STYXL1: variants seen among roughly 807,000 people sequenced by gnomAD.
STYXL1 encodes serine/threonine/tyrosine interacting like 1, also known as serine/threonine/tyrosine-interacting-like protein 1.
Under a neutral mutation model 36.4 loss-of-function variants are expected in STYXL1, and 32 were observed. The observed-to-expected ratio is 0.88, with a 90% CI of 0.66 to 1.18. STYXL1 has a LOEUF of 1.18. Ranked by LOEUF, STYXL1 falls within the 50% of genes most tolerant of loss-of-function variation. The pLI is 0.00. For missense variants in STYXL1, 354 were observed against 394.1 expected (o/e 0.90, Z 0.86); for synonymous variants, 133 against 144.1 (o/e 0.92, Z 0.55).
intron 1 of STYXL1, among the ~76,000 whole-genome samples, chr7:76,034,505 CA>C (rs1464280912): frequency 7.2e-5 from 11 of 152,340 alleles, no homozygotes; most frequent in Non-Finnish European, 1.6e-4. Context: ...AAGCACTCTC[CA>C]AGCTTCCCTT....
intron 4 of STYXL1, among the ~76,000 whole-genome samples, chr7:76,020,056 AGT>A (rs1793875948): frequency 6.6e-6 from 1 of 152,056 alleles, no homozygotes. Context: ...TGAATGCACA[AGT>A]TGTGTGGTTG....
chr7:75,999,868 A>G (rs542623836), intron 8 of STYXL1, among the ~76,000 whole-genome samples: 12 of 151,950 alleles, frequency 7.9e-5, no homozygotes, highest in African/African-American at 1.7e-4. Flanking sequence ...TTTAACCACA[A>G]TTTTTTTTAA....
chr7:76,040,933 T>C (rs1796423735), intron 1 of STYXL1, among the ~76,000 whole-genome samples: 1 of 151,998 alleles, frequency 6.6e-6, no homozygotes, highest in Non-Finnish European at 1.5e-5. Context: ...CAACTTCCAA[T>C]ATCCTAGAGC....
At chr7:76,005,705 G>A (rs868935083) in intron 5 of STYXL1, among the ~76,000 whole-genome samples, 2 of 152,108 alleles carry the variant, frequency 1.3e-5, no homozygotes, top group East Asian at 1.9e-4. Context: ...CAGTGAGGAC[G>A]CTGTGGCCCA....
At chr7:76,014,524 G>C (rs1373686519) in intron 4 of STYXL1, among the ~76,000 whole-genome samples, 1 of 151,522 alleles carries the variant, frequency 6.6e-6, no homozygotes, top group African/African-American at 2.4e-5. Context: ...GCTAAATTTT[G>C]TATTGTTTTG....
intron 4 of STYXL1, among the ~76,000 whole-genome samples, chr7:76,014,135 C>A (rs966322408): frequency 1.3e-4 from 19 of 151,796 alleles, no homozygotes; most frequent in Non-Finnish European, 1.6e-4. Flanking sequence ...CCCACCATGC[C>A]TGGCTAATTT....
intron 1 of STYXL1, among the ~76,000 whole-genome samples, chr7:76,042,081 C>T (rs143129863): frequency 9.2e-5 from 14 of 152,198 alleles, no homozygotes; most frequent in Admixed American, 6.5e-4. Context: ...TGTGCATGTA[C>T]GCATGTGTGT....
chr7:76,045,780 A>G (rs1317287778), intron 1 of STYXL1: 3 of 152,220 alleles, frequency 2.0e-5, no homozygotes, highest in Non-Finnish European at 4.4e-5. Flanking sequence ...GGACCGGCAC[A>G]ATCTAGTTTT....
At chr7:76,000,358 C>A (rs1790733988) in intron 8 of STYXL1, 1 of 451,850 alleles carries the variant, frequency 2.2e-6, no homozygotes, top group Non-Finnish European at 4.5e-6. Flanking sequence ...CATCCCTGGG[C>A]AAATGTTGGG....
chr7:76,014,001 C>A (rs1441314199), intron 4 of STYXL1, 114 bp from the exon 5 acceptor site: 22 of 1,151,004 alleles, frequency 1.9e-5, no homozygotes, highest in Non-Finnish European at 8.4e-6. Flanking sequence ...TTTTCTGAGA[C>A]AGAGTCTCAC....
chr7:76,003,386 G>A (rs984433489), intron 7 of STYXL1, among the ~76,000 whole-genome samples: 2 of 152,218 alleles, frequency 1.3e-5, no homozygotes, highest in Non-Finnish European at 2.9e-5. Flanking sequence ...AGGCGGGGAT[G>A]GAGAGAGATA....
chr7:76,028,596 C>T (rs781861993), intron 3 of STYXL1, 46 bp downstream of exon 3: 38 of 1,592,508 alleles, frequency 2.4e-5, no homozygotes, highest in Middle Eastern at 1.7e-4. Context: ...CCCCACCCCA[C>T]TGCAAGGTAG....
chr7:76,036,672 CT>C (rs1795934476), intron 1 of STYXL1, among the ~76,000 whole-genome samples: 1 of 142,704 alleles, frequency 7.0e-6, no homozygotes, highest in South Asian at 2.3e-4. Flanking sequence ...TTTGAGCCAC[CT>C]CGCCAGGCTA....
chr7:76,041,384 G>C (rs1554582133), intron 1 of STYXL1, among the ~76,000 whole-genome samples: 1 of 151,994 alleles, frequency 6.6e-6, no homozygotes, highest in Non-Finnish European at 1.5e-5. Context: ...GTGTGTTATG[G>C]TTTGAATATG....
At chr7:76,014,354 T>A (rs1191452619) in intron 4 of STYXL1, among the ~76,000 whole-genome samples, 2 of 150,126 alleles carry the variant, frequency 1.3e-5, no homozygotes, top group African/African-American at 4.9e-5. Context: ...TACCACCGGG[T>A]TTTTTTTGTT....
intron 1 of STYXL1, among the ~76,000 whole-genome samples, chr7:76,043,818 T>C (rs1278341467): frequency 6.6e-6 from 1 of 152,178 alleles, no homozygotes; most frequent in Non-Finnish European, 1.5e-5. Context: ...CCTCCTCAAA[T>C]GTGGGAGCCC....
rs1790153867 is a variant in STYXL1, at chr7:75,996,574, C to T, written c.836G>A (p.Cys279Tyr). 2 of 1,614,204 alleles carry T rather than the reference C, an allele frequency of 1.2e-6. No individual in the cohort carries two copies. The highest frequency in any genetic ancestry group is 8.5e-7 in the Non-Finnish European group (1 of 1,180,026). ...LQRSWAYVKK[C>Y]KNNMCPNRGL... ...CCGATTTGGACACATGTTGTTTTTG[C>T]ACTTCTTGACATAGGCCCAGGACCT... The change falls in exon 9 of 9, where the codon TGC becomes TAC. Residue 279 changes from cysteine (C) to tyrosine (Y), a missense_variant. By Grantham distance (194) the Cys-to-Tyr change is radical. Coordinates refer to ENST00000359697, the MANE Select transcript of STYXL1 (RefSeq NM_001317785.2).
intron 8 of STYXL1, among the ~76,000 whole-genome samples, chr7:75,999,329 AGAATGGTG>A (rs1790510773): frequency 6.6e-6 from 1 of 152,234 alleles, no homozygotes; most frequent in Non-Finnish European, 1.5e-5. Flanking sequence ...GACAAAAAGT[AGAATGGTG>A]GTTCCCACGG....
At chr7:76,029,165 G>A (rs1795055260) in intron 2 of STYXL1, among the ~76,000 whole-genome samples, 2 of 152,056 alleles carry the variant, frequency 1.3e-5, no homozygotes, top group Admixed American at 6.6e-5. Context: ...CAAATTTGAA[G>A]TGAGCTCACA....
Sources: allele counts gnomAD v4.1 joint callset (sites outside exome capture counted in the v4.1 genomes callset), GRCh38; gene constraint gnomAD v4.1.1; transcripts MANE v1.5; gene names NCBI Gene and HGNC (gene_info 2026-07-23, HGNC 2026-07-21).